DPY19L3: variants seen among roughly 807,000 people sequenced by gnomAD.
The protein encoded by DPY19L3 is protein C-mannosyl-transferase DPY19L3.
DPY19L3 carries 51 observed loss-of-function variants against 92.3 expected under a neutral mutation model. The ratio of observed to expected loss-of-function variants is 0.55; its 90% confidence interval spans 0.44 to 0.70. The LOEUF is 0.70. Among genes scored for constraint, DPY19L3 ranks in the 30% least tolerant of loss-of-function variants. The pLI is 0.00. For synonymous variants in DPY19L3, 309 were observed against 315.2 expected, an observed-to-expected ratio of 0.98 and a Z score of 0.21; for missense variants, 706 against 855.9, an observed-to-expected ratio of 0.82 and a Z score of 2.18.
intron 16 of DPY19L3, among the ~76,000 whole-genome samples, chr19:32,472,396 C>T (rs1177224641): frequency 6.6e-6 from 1 of 152,168 alleles, no homozygotes; most frequent in African/African-American, 2.4e-5. Flanking sequence ...AGCCTTTGTG[C>T]ATTCACCTGC....
At chr19:32,430,821 T>C (rs1599612675) in intron 3 of DPY19L3, among the ~76,000 whole-genome samples, 1 of 142,832 alleles carries the variant, frequency 7.0e-6, no homozygotes, top group South Asian at 2.2e-4. Context: ...AGAGACAGGG[T>C]TTTGCCATGT....
intron 8 of DPY19L3, among the ~76,000 whole-genome samples, chr19:32,445,451 A>AAAAAAAAC (rs1969464940): frequency 6.7e-6 from 1 of 149,084 alleles, no homozygotes; most frequent in Non-Finnish European, 1.5e-5. Context: ...AAAAAAAAAA[A>AAAAAAAAC]AAAAAAAAAA....
chr19:32,441,283 TTAAA>T (rs1258590164), intron 8 of DPY19L3, among the ~76,000 whole-genome samples: 6 of 152,204 alleles, frequency 3.9e-5, no homozygotes, highest in African/African-American at 9.6e-5. Flanking sequence ...TAGGGTATAC[TTAAA>T]TAAATGATGG....
chr19:32,477,724 A>G (rs1970555021), intron 17 of DPY19L3, 70 bp downstream of exon 17: 2 of 1,593,012 alleles, frequency 1.3e-6, no homozygotes, highest in East Asian at 2.3e-5. Flanking sequence ...TATGTGTGGT[A>G]AAGATGGGGC....
At chr19:32,469,984 T>TA (rs1295252675) in intron 16 of DPY19L3, among the ~76,000 whole-genome samples, 7 of 152,212 alleles carry the variant, frequency 4.6e-5, no homozygotes, top group African/African-American at 1.7e-4. Flanking sequence ...GGCTAATGCT[T>TA]ACTCACCAGT....
At chr19:32,426,362 C>G (rs1968764875) in intron 3 of DPY19L3, among the ~76,000 whole-genome samples, 1 of 152,238 alleles carries the variant, frequency 6.6e-6, no homozygotes, top group Admixed American at 6.5e-5. Context: ...GGTGCGTTCA[C>G]TGGAGTAGCA....
At chr19:32,445,451 A>AAAAAAAC (rs1461527399) in intron 8 of DPY19L3, among the ~76,000 whole-genome samples, 1 of 149,084 alleles carries the variant, frequency 6.7e-6, no homozygotes, top group Non-Finnish European at 1.5e-5. Context: ...AAAAAAAAAA[A>AAAAAAAC]AAAAAAAAAA....
Position 32,483,834 on chromosome 19 carries a change from T to G in DPY19L3, c.*1594T>G, listed in dbSNP as rs545236695. 1 of 152,758 alleles carries G rather than the reference T, an allele frequency of 6.5e-6. No homozygotes were observed. Among genetic ancestry groups the G allele is most frequent in the East Asian group, 1.9e-4 (1 of 5,186 alleles). 9.5% of individuals were successfully genotyped at this position (152,758 alleles called of 1,614,324 possible). ...AATAATAAAACGTTTTAATCAGTACTAAAACTTTAATTAAGCCAATAATGA... is the reference window on the plus strand; with the variant it reads ...AATAATAAAACGTTTTAATCAGTACGAAAACTTTAATTAAGCCAATAATGA... On this transcript the variant is annotated 3_prime_UTR_variant, in exon 19 of 19. Coordinates refer to ENST00000392250, the MANE Select transcript of DPY19L3 (RefSeq NM_001172774.2).
At chr19:32,432,677 C>A in intron 3 of DPY19L3, 39 bp from the exon 4 acceptor site, 2 of 1,562,272 alleles carry the variant, frequency 1.3e-6, no homozygotes, top group Non-Finnish European at 1.8e-6. Context: ...TTAAACAAAA[C>A]TAGGTCACAT....
intron 3 of DPY19L3, among the ~76,000 whole-genome samples, chr19:32,428,470 C>T (rs1256496328): frequency 6.6e-6 from 1 of 151,996 alleles, no homozygotes; most frequent in Non-Finnish European, 1.5e-5. Context: ...GAATAGGCAG[C>T]CAAGGAGCGG....
At chr19:32,452,025 C>T (rs1488584470) in intron 8 of DPY19L3, among the ~76,000 whole-genome samples, 1 of 152,044 alleles carries the variant, frequency 6.6e-6, no homozygotes, top group Non-Finnish European at 1.5e-5. Context: ...GACACGGTCT[C>T]GCTATGTTGC....
chr19:32,439,069 G>A (rs776171015), intron 6 of DPY19L3, 43 bp from the exon 7 acceptor site: 1 of 1,568,582 alleles, frequency 6.4e-7, no homozygotes, highest in South Asian at 1.2e-5. Context: ...GGAAATTATT[G>A]TAAAAACTAT....
chr19:32,408,493 A>G (rs111412652), intron 2 of DPY19L3, 137 bp downstream of exon 2: 2 of 627,256 alleles, frequency 3.2e-6, no homozygotes, highest in Non-Finnish European at 5.7e-6. Flanking sequence ...TCTAATTGCA[A>G]TTTGATTAGA....
rs756532547 is a variant in DPY19L3, at chr19:32,453,125, C to A, written c.856-20C>A. 1 of 1,613,566 alleles carries A rather than the reference C, an allele frequency of 6.2e-7. No individual in the cohort carries two copies. The highest frequency in any genetic ancestry group is 8.5e-7 in the Non-Finnish European group (1 of 1,179,838). ...CTCTTGGTAAAATGTCTGTACTCAT[C>A]TAATCTTTGGTTCTTGCAGGCGACA... On this transcript the variant is annotated intron_variant, in intron 8 of 18. Transcript: ENST00000392250.
chr19:32,457,991 C>A, intron 10 of DPY19L3, 109 bp from the exon 11 acceptor site: 1 of 789,664 alleles, frequency 1.3e-6, no homozygotes, highest in East Asian at 2.6e-5. Flanking sequence ...TTTGTACACC[C>A]ACACGCTCCT....
chr19:32,445,846 C>A (rs1002113042), intron 8 of DPY19L3, among the ~76,000 whole-genome samples: 1 of 151,968 alleles, frequency 6.6e-6, no homozygotes, highest in Non-Finnish European at 1.5e-5. Flanking sequence ...ACTACAAATA[C>A]AAAAATTAGC....
At chr19:32,440,789 C>T (rs1401097517) in intron 8 of DPY19L3, among the ~76,000 whole-genome samples, 4 of 152,032 alleles carry the variant, frequency 2.6e-5, no homozygotes, top group African/African-American at 9.7e-5. Context: ...AACAAGCAGA[C>T]AAATGATAGC....
chr19:32,436,037 T>C (rs1969127549), intron 4 of DPY19L3, among the ~76,000 whole-genome samples: 1 of 152,212 alleles, frequency 6.6e-6, no homozygotes, highest in Non-Finnish European at 1.5e-5. Context: ...TCCACTTACA[T>C]GCCACTGGTT....
rs1405960279 is a variant in DPY19L3, at chr19:32,448,997, A to G, written c.856-4148A>G. 2.0e-5 allele frequency among the ~76,000 whole-genome samples: 3 copies of G among 152,182 alleles called. 1 individual carries two copies. Among genetic ancestry groups the G allele is most frequent in the Non-Finnish European group, 4.4e-5 (3 of 68,034 alleles). On this transcript the variant is annotated intron_variant, in intron 8 of 18. Transcript: ENST00000392250. Reference sequence around the variant, plus strand: ...CTTTTTCTAGAAATACTCTCACTTGATATAAAAAGAACTGTAAACATCAAA... The same window carrying G: ...CTTTTTCTAGAAATACTCTCACTTGGTATAAAAAGAACTGTAAACATCAAA...
Sources: allele counts gnomAD v4.1 joint callset (sites outside exome capture counted in the v4.1 genomes callset), GRCh38; gene constraint gnomAD v4.1.1; transcripts MANE v1.5; gene names NCBI Gene and HGNC (gene_info 2026-07-23, HGNC 2026-07-21).